The following SERINC1 variants were observed in gnomAD, a reference collection of about 807,000 sequenced individuals.
SERINC1 encodes tumor differentially expressed protein 2.
Under a neutral mutation model 52.9 loss-of-function variants are expected in SERINC1, and 38 were observed. The ratio of observed to expected loss-of-function variants is 0.72; its 90% CI spans 0.55 to 0.94. The LOEUF (loss-of-function observed/expected upper bound fraction) is 0.94, where lower values mean the gene tolerates loss of function less well. Among genes scored for constraint, SERINC1 ranks in the 40% least tolerant of loss-of-function variants. The pLI is 0.00. For missense variants in SERINC1, 471 were observed against 533.9 expected (o/e 0.88, Z 1.16); for synonymous variants, 198 against 183.1 (o/e 1.08, Z -0.66).
intron 1 of SERINC1, among the ~76,000 whole-genome samples, chr6:122,462,179 T>C (rs1350685102): frequency 6.6e-6 from 1 of 152,178 alleles, no homozygotes; most frequent in East Asian, 1.9e-4. Flanking sequence ...TCAATACCTA[T>C]TCATGATATA....
intron 5 of SERINC1, 61 bp from the exon 6 acceptor site, chr6:122,452,118 T>C (rs1241337174): frequency 1.8e-6 from 2 of 1,101,034 alleles, no homozygotes; most frequent in Non-Finnish European, 2.4e-6. Flanking sequence ...CAATTAGAAA[T>C]GGGACCTGTT....
chr6:122,471,627 C>A, intron 1 of SERINC1, 72 bp downstream of exon 1: 1 of 1,597,842 alleles, frequency 6.3e-7, no homozygotes, highest in East Asian at 2.2e-5. Flanking sequence ...CGGGCTCACC[C>A]AGCCCCGGCT....
chr6:122,460,903 C>T (rs775505590), intron 1 of SERINC1, among the ~76,000 whole-genome samples: 3 of 151,948 alleles, frequency 2.0e-5, no homozygotes, highest in Non-Finnish European at 4.4e-5. Flanking sequence ...AAAATTAAGA[C>T]CCATATCATA....
At chr6:122,460,116 G>A (rs1217079028) in intron 1 of SERINC1, among the ~76,000 whole-genome samples, 1 of 152,046 alleles carries the variant, frequency 6.6e-6, no homozygotes, top group Non-Finnish European at 1.5e-5. Context: ...ACCCAGGCTG[G>A]AGTGCAGTGG....
At position 122,453,751 on chromosome 6, in the gene SERINC1, T is replaced by C; in HGVS notation, c.589+19A>G. 1 of 1,582,072 alleles carries C rather than the reference T, an allele frequency of 6.3e-7. No individual in the cohort carries two copies. The highest frequency in any genetic ancestry group is 8.6e-7 in the Non-Finnish European group (1 of 1,159,026). Reference sequence around the variant, plus strand: ...TCAAAGTTCAACTATACTGAAGTTGTTCTGCGACGAAAGCTTACCTGCATA... The same window carrying C: ...TCAAAGTTCAACTATACTGAAGTTGCTCTGCGACGAAAGCTTACCTGCATA... On this transcript the variant is annotated intron_variant, in intron 5 of 9. Transcript: ENST00000339697.
chr6:122,471,768 G>C lies in SERINC1; in HGVS notation c.-31C>G, dbSNP rs753476097. On this transcript the variant is annotated 5_prime_UTR_variant, in exon 1 of 10. Transcript: ENST00000339697. ...CAACGTCACAAGAGCAGCGGATACA[G>C]ACAAGATGGAGACAGCTTCTTTCTC... 4.5e-5 allele frequency: 72 copies of C among 1,613,656 alleles called. No individual in the cohort carries two copies. Among genetic ancestry groups the C allele is most frequent in the Non-Finnish European group, 5.8e-5 (68 of 1,179,868 alleles).
chr6:122,449,409 A>G (rs777357431), intron 7 of SERINC1, among the ~76,000 whole-genome samples: 3 of 152,240 alleles, frequency 2.0e-5, no homozygotes, highest in Non-Finnish European at 4.4e-5. Flanking sequence ...AATGATAGAT[A>G]AGAAAGCAAA....
chr6:122,449,153 C>G (rs1440722484), intron 7 of SERINC1, among the ~76,000 whole-genome samples: 1 of 152,152 alleles, frequency 6.6e-6, no homozygotes, highest in African/African-American at 2.4e-5. Context: ...TTTCAAGACA[C>G]AACCATATGG....
intron 7 of SERINC1, among the ~76,000 whole-genome samples, chr6:122,448,215 A>G (rs1774841209): frequency 6.6e-6 from 1 of 152,180 alleles, no homozygotes; most frequent in Non-Finnish European, 1.5e-5. Context: ...ACTAATGAAA[A>G]TGATTCTTAC....
intron 3 of SERINC1, among the ~76,000 whole-genome samples, chr6:122,456,054 T>C (rs1774987523): frequency 6.6e-6 from 1 of 152,156 alleles, no homozygotes; most frequent in Admixed American, 6.6e-5. Flanking sequence ...AGTAGTGCTC[T>C]ATATGAAGGA....
In SERINC1 at chr6:122,447,704, T is replaced by G. The variant is rs940250077; in HGVS notation, c.851-439A>C. On this transcript the variant is annotated intron_variant, in intron 7 of 9. Transcript: ENST00000339697. ...CTTATCAATTTGATACAGCACATTGTTAAAAAACCAAGACAGCTTACACAA... is the reference window on the plus strand; with the variant it reads ...CTTATCAATTTGATACAGCACATTGGTAAAAAACCAAGACAGCTTACACAA... Among the ~76,000 whole-genome samples, 21 of 152,256 alleles carry G rather than the reference T, an allele frequency of 1.4e-4. No individual in the cohort carries two copies. In the East Asian group the frequency reaches 2.7e-3, roughly 20 times the overall value.
chr6:122,448,102 G>C (rs767313091), intron 7 of SERINC1, among the ~76,000 whole-genome samples: 55 of 143,788 alleles, frequency 3.8e-4, no homozygotes, highest in Non-Finnish European at 9.0e-5. Flanking sequence ...GCGAGACTCT[G>C]TCTCAAAAAA....
Position 122,471,310 on chromosome 6 carries a change from G to T in SERINC1, c.39+389C>A, listed in dbSNP as rs544533661. Among the ~76,000 whole-genome samples, 9 of 152,046 alleles carry T rather than the reference G, an allele frequency of 5.9e-5. 1 individual carries two copies. In the South Asian group the frequency reaches 1.7e-3, roughly 28 times the overall value. On this transcript the variant is annotated intron_variant, in intron 1 of 9. Transcript: ENST00000339697. ...CCAGGAAAGAGATGACAACAGAGTG[G>T]GTACCCCACCGAAGGAAAGGGGCAA...
chr6:122,452,933 GCACTCCAATTTAA>G, intron 5 of SERINC1, among the ~76,000 whole-genome samples: 1 of 152,234 alleles, frequency 6.6e-6, no homozygotes, highest in South Asian at 2.1e-4. Flanking sequence ...GATTTGGCTT[GCACTCCAATTTAA>G]AATTTTTTTA....
rs531187621 is a variant in SERINC1 at position 122,450,081 on chromosome 6, T to C, written c.850+1583A>G. Among the ~76,000 whole-genome samples, 11 of 152,234 alleles carry C rather than the reference T, an allele frequency of 7.2e-5. No individual in the cohort carries two copies. In the South Asian group the frequency reaches 1.5e-3, roughly 20 times the overall value. ...CAACAGATTTTCAATAAAGACAACA[T>C]AGACTTCTATTGTAAGAAGATATAA... is the stretch of plus-strand genomic sequence containing the variant. On this transcript the variant is annotated intron_variant, in intron 7 of 9. Coordinates refer to ENST00000339697, the MANE Select transcript of SERINC1 (RefSeq NM_020755.4).
At chr6:122,470,788 A>G (rs1430894177) in intron 1 of SERINC1, among the ~76,000 whole-genome samples, 2 of 152,144 alleles carry the variant, frequency 1.3e-5, no homozygotes, top group East Asian at 1.9e-4. Context: ...ACTAAAGAAA[A>G]GTGATTTGAG....
chr6:122,461,482 G>A (rs1039743287), intron 1 of SERINC1, among the ~76,000 whole-genome samples: 1 of 146,770 alleles, frequency 6.8e-6, no homozygotes, highest in Non-Finnish European at 1.5e-5. Flanking sequence ...CACAGGAAGG[G>A]GAATATCATA....
chr6:122,449,888 G>A (rs1774875064), intron 7 of SERINC1, among the ~76,000 whole-genome samples: 1 of 151,966 alleles, frequency 6.6e-6, no homozygotes, highest in Non-Finnish European at 1.5e-5. Context: ...TGGTGGCGCA[G>A]GCCTGTAATC....
chr6:122,469,394 T>G (rs1461650254), intron 1 of SERINC1, among the ~76,000 whole-genome samples: 1 of 143,590 alleles, frequency 7.0e-6, no homozygotes, highest in East Asian at 2.0e-4. Context: ...TTTTTTTTTT[T>G]GACACAGAGT....
Sources: gnomAD v4.1 joint callset for allele counts (sites outside exome capture counted in the v4.1 genomes callset) on GRCh38, gnomAD v4.1.1 for gene constraint, MANE v1.5 for transcripts, NCBI Gene and HGNC (gene_info 2026-07-23, HGNC 2026-07-21) for gene names.